Variants in TBC1D8 observed in about 807,000 individuals in gnomAD.
TBC1D8 encodes TBC1 domain family member 8.
In TBC1D8, 65 loss-of-function variants were observed where a neutral mutation model predicts 118.8. The ratio of observed to expected loss-of-function variants is 0.55; its 90% confidence interval spans 0.45 to 0.67. TBC1D8 has a LOEUF of 0.67. Ranked by LOEUF, TBC1D8 falls within the 30% of genes least tolerant of loss-of-function variation. TBC1D8 has a pLI of 0.00. For missense variants in TBC1D8, 1,376 were observed against 1,471.2 expected (o/e 0.94, Z 1.06); for synonymous variants, 566 against 595.8 (o/e 0.95, Z 0.73).
At chr2:101,052,304 C>G (rs965447559) in intron 4 of TBC1D8, among the ~76,000 whole-genome samples, 1 of 152,052 alleles carries the variant, frequency 6.6e-6, no homozygotes, top group African/African-American at 2.4e-5. Flanking sequence ...TTAGAAACAC[C>G]TGGTCTAGTC....
rs745594288 is a variant in TBC1D8, at chr2:101,007,759, G to C, written c.*62C>G. ...AATCTCGGTTTAGGGCTGACCCCAA[G>C]AAACAGTCTGGTTCGTGCTTTGGTA... On this transcript the variant is annotated 3_prime_UTR_variant, in exon 20 of 20. Coordinates refer to ENST00000409318, the MANE Select transcript of TBC1D8 (RefSeq NM_001330348.2). 2.4e-5 allele frequency: 37 copies of C among 1,528,616 alleles called. No individual in the cohort carries two copies. Among genetic ancestry groups the C allele is most frequent in the Non-Finnish European group, 3.1e-5 (35 of 1,121,854 alleles). The allele number at this position is 1,528,616 out of a possible 1,614,324, so 94.7% of individuals were successfully genotyped here.
rs1377613837 is a variant in TBC1D8, at chr2:101,082,934, TTA to T, written c.283+7273_283+7274del. Among the ~76,000 whole-genome samples the T allele has an allele frequency of 2.0e-5, 3 of 152,178 alleles. No individual in the cohort carries two copies. The East Asian group carries it at 5.8e-4, about 29-fold the overall frequency. On this transcript the variant is annotated intron_variant, in intron 2 of 19. Transcript: ENST00000409318. ...AATGGTTAAGACAGTCAATTTTATGTTATATATATTTTACAACAATACAAACA... is the reference window on the plus strand; with the variant it reads ...AATGGTTAAGACAGTCAATTTTATGTTATATATTTTACAACAATACAAACA...
chr2:101,014,000 A>G (rs1004045429), intron 17 of TBC1D8, among the ~76,000 whole-genome samples: 1 of 152,238 alleles, frequency 6.6e-6, no homozygotes, highest in Non-Finnish European at 1.5e-5. Flanking sequence ...TGATAGGAAA[A>G]TCAACTAAGT....
At chr2:101,070,867 T>C (rs1232578781) in intron 2 of TBC1D8, among the ~76,000 whole-genome samples, 1 of 152,196 alleles carries the variant, frequency 6.6e-6, no homozygotes. Flanking sequence ...ATTATCTACA[T>C]AAGCCTAAAT....
chr2:101,107,175 G>A (rs2105475367), intron 1 of TBC1D8, among the ~76,000 whole-genome samples: 1 of 152,256 alleles, frequency 6.6e-6, no homozygotes, highest in Non-Finnish European at 1.5e-5. Flanking sequence ...AAAGAGGCAA[G>A]AATGATCCAG....
intron 1 of TBC1D8, among the ~76,000 whole-genome samples, chr2:101,111,952 C>T (rs1313011258): frequency 2.0e-5 from 3 of 150,374 alleles, no homozygotes; most frequent in Non-Finnish European, 2.9e-5. Context: ...TTCTAGTGGT[C>T]AGAGATTTCT....
intron 5 of TBC1D8, among the ~76,000 whole-genome samples, chr2:101,046,922 T>C (rs536186027): frequency 1.3e-5 from 2 of 152,280 alleles, no homozygotes; most frequent in South Asian, 2.1e-4. Flanking sequence ...TCAAAACAGA[T>C]TGTAATTTGA....
Position 101,107,702 on chromosome 2 carries a change from G to T in TBC1D8, c.128-17338C>A, listed in dbSNP as rs570754020. 8.5e-5 allele frequency among the ~76,000 whole-genome samples: 13 copies of T among 152,268 alleles called. No homozygotes were observed. The South Asian group carries it at 2.7e-3, about 32-fold the overall frequency. On this transcript the variant is annotated intron_variant, in intron 1 of 19. Coordinates refer to ENST00000409318, the MANE Select transcript of TBC1D8 (RefSeq NM_001330348.2). Reference sequence around the variant, plus strand: ...GGAACCAGGGCTCCTTGGAGAAATGGCTGCTTCTGGAACTGGAACAGGAAA... The same window carrying T: ...GGAACCAGGGCTCCTTGGAGAAATGTCTGCTTCTGGAACTGGAACAGGAAA...
At chr2:101,057,524 T>G (rs1304957572) in intron 3 of TBC1D8, among the ~76,000 whole-genome samples, 3 of 152,230 alleles carry the variant, frequency 2.0e-5, no homozygotes, top group Admixed American at 1.3e-4. Flanking sequence ...CATGCTTTTG[T>G]GTTCAAATAA....
intron 1 of TBC1D8, among the ~76,000 whole-genome samples, chr2:101,104,530 T>G (rs1323620238): frequency 2.0e-5 from 3 of 152,196 alleles, no homozygotes; most frequent in Non-Finnish European, 2.9e-5. Flanking sequence ...AAGTCAATAC[T>G]TAGTAAATAC....
At position 101,137,472 on chromosome 2, in the gene TBC1D8, C is replaced by T. The variant is rs149527503; in HGVS notation, c.127+13655G>A. 3.8e-3 allele frequency among the ~76,000 whole-genome samples: 573 copies of T among 152,208 alleles called. 3 individuals carry two copies. The highest frequency in any genetic ancestry group is 0.013 in the African/African-American group (542 of 41,550). ...GGACTACAGGCGCCCGCCACCACAC[C>T]CGGCAAATTTTTTGTATTTTTAGTA... On this transcript the variant is annotated intron_variant, in intron 1 of 19. Transcript: ENST00000409318.
In TBC1D8 at chr2:101,008,264, T is replaced by TAA. The variant is rs1329913723; in HGVS notation, c.3023_3024dup (p.Ile1009LeufsTer97). On this transcript the variant is annotated frameshift_variant, in exon 20 of 20. Coordinates refer to ENST00000409318, the MANE Select transcript of TBC1D8 (RefSeq NM_001330348.2). LOFTEE classifies it low-confidence loss of function (END_TRUNC). ...CTGTACAGAGTTTTACAGAACTGGA[T>TAA]AAATTCTCTCTGAAATTGAAATAAG... 6.5e-7 allele frequency: 1 copy of TAA among 1,529,298 alleles called. No individual in the cohort carries two copies. The highest frequency in any genetic ancestry group is 8.8e-7 in the Non-Finnish European group (1 of 1,138,992). The allele number at this position is 1,529,298 out of a possible 1,614,324, so 94.7% of individuals were successfully genotyped here.
chr2:101,032,471 C>T, intron 10 of TBC1D8, 86 bp from the exon 11 acceptor site: 1 of 1,138,734 alleles, frequency 8.8e-7, no homozygotes, highest in Non-Finnish European at 1.3e-6. Flanking sequence ...AAACAACCCA[C>T]AAAAGTAAAG....
At chr2:101,038,698 G>A (rs759337450) in intron 6 of TBC1D8, 43 bp from the exon 7 acceptor site, 1 of 1,603,424 alleles carries the variant, frequency 6.2e-7, no homozygotes, top group South Asian at 1.1e-5. Flanking sequence ...GCGGGAGGAA[G>A]GTAGGCATGT....
chr2:101,053,656 G>A (rs934971902), intron 4 of TBC1D8, among the ~76,000 whole-genome samples: 23 of 152,306 alleles, frequency 1.5e-4, no homozygotes, highest in African/African-American at 5.1e-4. Context: ...GTGAATCAGT[G>A]CATGAATCTC....
At chr2:101,032,086 T>C (rs939131885) in intron 11 of TBC1D8, among the ~76,000 whole-genome samples, 182 bp downstream of exon 11, 1 of 152,226 alleles carries the variant, frequency 6.6e-6, no homozygotes, top group African/African-American at 2.4e-5. Context: ...TCCACTACAT[T>C]GTCAGAACTG....
At chr2:101,066,465 T>G (rs2105431339) in intron 2 of TBC1D8, among the ~76,000 whole-genome samples, 1 of 152,152 alleles carries the variant, frequency 6.6e-6, no homozygotes, top group East Asian at 1.9e-4. Context: ...AAATCAATTC[T>G]TAAAAAAATG....
chr2:101,129,892 G>C (rs1039373750), intron 1 of TBC1D8, among the ~76,000 whole-genome samples: 12 of 149,162 alleles, frequency 8.0e-5, no homozygotes, highest in Non-Finnish European at 1.8e-4. Flanking sequence ...GCAACAGGGC[G>C]AGACTCTGTC....
chr2:101,080,142 C>T (rs547874034), intron 2 of TBC1D8, among the ~76,000 whole-genome samples: 13 of 152,088 alleles, frequency 8.5e-5, no homozygotes, highest in African/African-American at 1.9e-4. Flanking sequence ...ATTATTTGAG[C>T]GTAAGCAAAA....
Sources: gnomAD v4.1 joint callset for allele counts (sites outside exome capture counted in the v4.1 genomes callset) on GRCh38, gnomAD v4.1.1 for gene constraint, MANE v1.5 for transcripts, NCBI Gene and HGNC (gene_info 2026-07-23, HGNC 2026-07-21) for gene names.